Variants in ANKRD27 observed in about 807,000 individuals in gnomAD.
ANKRD27 encodes ankyrin repeat domain 27, also known as ankyrin repeat domain-containing protein 27.
ANKRD27 carries 112 observed loss-of-function variants against 129.7 expected under a neutral mutation model. That is an observed-to-expected ratio of 0.86 (90% CI 0.74 to 1.01). The LOEUF is 1.01. ANKRD27 is among the 50% of genes least tolerant of loss of function. The probability of loss-of-function intolerance (pLI) is 0.00; values close to 1 mark genes in which losing one functional copy is unlikely to be tolerated. For missense variants in ANKRD27, 1,258 were observed against 1,300.5 expected (o/e 0.97, Z 0.50); for synonymous variants, 516 against 511.2 (o/e 1.01, Z -0.13).
chr19:32,602,780 C>G (rs578104350), intron 25 of ANKRD27, among the ~76,000 whole-genome samples: 1 of 152,122 alleles, frequency 6.6e-6, no homozygotes, highest in African/African-American at 2.4e-5. Context: ...GTCCCAGCTA[C>G]TTGGGAGGCT....
In ANKRD27 at chr19:32,622,617, A is replaced by G. The variant is rs563912207; in HGVS notation, c.1632T>C (p.Cys544=). The G allele has an allele frequency of 3.7e-5, 59 of 1,613,424 alleles. No individual in the cohort carries two copies. The South Asian group carries it at 6.1e-4, about 17-fold the overall frequency. ...HLACTYGHED[C]VKALVYYDVE... is the part of the protein sequence containing the mutation. ...CGTCGTAGTAAACCAGAGCCTTCAC[A>G]CACTGCAAAGAGATGGGGAAATGGC... Residue 544 remains cysteine (C), a splice_region_variant and synonymous_variant, in exon 18 of 29, where the codon TGT becomes TGC. Coordinates refer to ENST00000306065, the MANE Select transcript of ANKRD27 (RefSeq NM_032139.3).
Position 32,667,418 on chromosome 19 carries a change from G to T in ANKRD27, c.-31+7653C>A, listed in dbSNP as rs527391020. Among the ~76,000 whole-genome samples the T allele has an allele frequency of 5.3e-5, 8 of 152,110 alleles. No homozygotes were observed. In the South Asian group the frequency reaches 1.5e-3, roughly 28 times the overall value. On this transcript the variant is annotated intron_variant, in intron 1 of 28. Coordinates refer to ENST00000306065, the MANE Select transcript of ANKRD27 (RefSeq NM_032139.3). ...TGTAGAAATGGAGTCTCGCTGTGTT[G>T]CCCAGGGTGGTCTTGAACTCCTGGC... is the stretch of plus-strand genomic sequence containing the variant.
rs1483461890 is a variant in ANKRD27, at chr19:32,643,773, T to C, written c.526-142A>G. On this transcript the variant is annotated intron_variant, in intron 5 of 28. Coordinates refer to ENST00000306065, the MANE Select transcript of ANKRD27 (RefSeq NM_032139.3). ...TTACGTGATTTTTCTCAACTTTTTT[T>C]TTAGGTGTATATGCATTAAAAGCAG... is the stretch of plus-strand genomic sequence containing the variant. 8.7e-6 allele frequency: 7 copies of C among 806,294 alleles called. No homozygotes were observed. In the South Asian group the frequency reaches 1.1e-4, roughly 13 times the overall value. The allele number at this position is 806,294 out of a possible 1,614,324, so 49.9% of individuals were successfully genotyped here.
chr19:32,617,399 T>C (rs1366984858), intron 21 of ANKRD27, among the ~76,000 whole-genome samples, 190 bp downstream of exon 21: 1 of 152,062 alleles, frequency 6.6e-6, no homozygotes, highest in Non-Finnish European at 1.5e-5. Context: ...TGTTTATGAT[T>C]AGCCAGGCAT....
chr19:32,650,983 G>A (rs534162133), intron 2 of ANKRD27, among the ~76,000 whole-genome samples: 9 of 151,936 alleles, frequency 5.9e-5, no homozygotes, highest in African/African-American at 1.7e-4. Context: ...GGCCTCAAGC[G>A]ATCCTTCCAC....
At chr19:32,608,117 C>T (rs1487980908) in intron 22 of ANKRD27, among the ~76,000 whole-genome samples, 3 of 151,886 alleles carry the variant, frequency 2.0e-5, no homozygotes, top group Admixed American at 6.6e-5. Context: ...GATCCTCCCG[C>T]CTCAGCCTCC....
chr19:32,631,303 G>A, intron 13 of ANKRD27, 99 bp downstream of exon 13: 2 of 1,059,556 alleles, frequency 1.9e-6, no homozygotes, highest in Non-Finnish European at 2.9e-6. Context: ...ATAGGCATGA[G>A]CCACCATGCC....
rs907357918 is a variant in ANKRD27, at chr19:32,597,807, G to A, written c.*338C>T. ...AGAGAGGTTTAGCACCTTTTGGGAG[G>A]AGGAGGTCAGAATGCGGTGGTGAAA... On this transcript the variant is annotated 3_prime_UTR_variant, in exon 29 of 29. Coordinates refer to ENST00000306065, the MANE Select transcript of ANKRD27 (RefSeq NM_032139.3). 8.7e-6 allele frequency: 3 copies of A among 346,076 alleles called. No individual in the cohort carries two copies. The highest frequency in any genetic ancestry group is 1.6e-5 in the Non-Finnish European group (3 of 182,030). The allele number at this position is 346,076 out of a possible 1,614,324, so 21.4% of individuals were successfully genotyped here.
At chr19:32,610,745 T>C (rs1053877961) in intron 22 of ANKRD27, among the ~76,000 whole-genome samples, 2 of 152,102 alleles carry the variant, frequency 1.3e-5, no homozygotes, top group African/African-American at 2.4e-5. Flanking sequence ...TGAGCCAATA[T>C]TGCACCACTG....
rs1568405343 is a variant in ANKRD27, at chr19:32,627,391, TTTATTTATTTATTTATTTA to T, written c.1421-583_1421-565del. Among the ~76,000 whole-genome samples the T allele has an allele frequency of 5.8e-4, 33 of 56,922 alleles. 1 individual carries two copies. Among genetic ancestry groups the T allele is most frequent in the South Asian group, 5.4e-3 (9 of 1,678 alleles). 37.3% of individuals were successfully genotyped at this position (56,922 alleles called of 152,430 possible). The stretch of plus-strand genomic sequence containing the variant: ...ATTTATTTATTTATTTATTTATTTA[TTTATTTATTTATTTATTTA>T]TTTTTTGAGACAGAGTCTCACTCAG... On this transcript the variant is annotated intron_variant, in intron 15 of 28. Coordinates refer to ENST00000306065, the MANE Select transcript of ANKRD27 (RefSeq NM_032139.3).
rs961505952 is a variant in ANKRD27, at chr19:32,626,911, A to G, written c.1421-84T>C. The G allele has an allele frequency of 6.8e-6, 6 of 879,546 alleles. No individual in the cohort carries two copies. In the South Asian group the frequency reaches 9.6e-5, roughly 14 times the overall value. 54.5% of individuals were successfully genotyped at this position (879,546 alleles called of 1,614,324 possible). On this transcript the variant is annotated intron_variant, in intron 15 of 28. Transcript: ENST00000306065. ...AACTGTAAAACCACAACACTATTGC[A>G]CCCTCCTAGTCCTGGGCATGAAACC...
At chr19:32,633,682 C>T (rs2145290512) in intron 12 of ANKRD27, among the ~76,000 whole-genome samples, 1 of 151,948 alleles carries the variant, frequency 6.6e-6, no homozygotes, top group South Asian at 2.1e-4. Context: ...AGAGTCATCC[C>T]AGTAATTTAT....
chr19:32,653,203 A>AGATG (rs1967453099), intron 2 of ANKRD27, among the ~76,000 whole-genome samples: 1 of 152,080 alleles, frequency 6.6e-6, no homozygotes, highest in African/African-American at 2.4e-5. Flanking sequence ...AAGCATCTAT[A>AGATG]CTAAATAAAT....
chr19:32,607,499 C>T, intron 23 of ANKRD27, 136 bp downstream of exon 23: 3 of 1,072,786 alleles, frequency 2.8e-6, no homozygotes, highest in South Asian at 1.4e-5. Flanking sequence ...CTACCGTGTG[C>T]ACCTCAGAAT....
intron 4 of ANKRD27, among the ~76,000 whole-genome samples, chr19:32,646,228 G>A (rs1279620776): frequency 2.0e-5 from 3 of 152,036 alleles, no homozygotes; most frequent in South Asian, 2.1e-4. Context: ...CACTGCGCCC[G>A]GCTTGATTTT....
chr19:32,647,657 A>G (rs1967328925), intron 3 of ANKRD27, among the ~76,000 whole-genome samples: 1 of 152,220 alleles, frequency 6.6e-6, no homozygotes, highest in Admixed American at 6.5e-5. Flanking sequence ...CACAAGACAC[A>G]CTGCTGTTTT....
At position 32,604,085 on chromosome 19, in the gene ANKRD27, C is replaced by G. The variant is rs567498392; in HGVS notation, c.2655+178G>C. 3.9e-5 allele frequency among the ~76,000 whole-genome samples: 6 copies of G among 152,330 alleles called. No individual in the cohort carries two copies. The South Asian group carries it at 1.2e-3, about 32-fold the overall frequency. ...TGGTTCCCAGAGCACCACCTCTGAC[C>G]AGGAGACTGAGGACCAGCCATCTAC... On this transcript the variant is annotated intron_variant, in intron 25 of 28. Coordinates refer to ENST00000306065, the MANE Select transcript of ANKRD27 (RefSeq NM_032139.3).
chr19:32,601,996 A>G lies in ANKRD27; in HGVS notation c.2767+19T>C. 6.5e-7 allele frequency: 1 copy of G among 1,530,234 alleles called. No homozygotes were observed. Among genetic ancestry groups the G allele is most frequent in the Non-Finnish European group, 9.0e-7 (1 of 1,108,524 alleles). The allele number at this position is 1,530,234 out of a possible 1,614,324, so 94.8% of individuals were successfully genotyped here. A position where few individuals can be genotyped will look rare whatever the true frequency, so the allele number is the denominator to read the frequency against. ...AATATACCCAACTTGAGCGTGACAG[A>G]AAGAACGTAAACTCTTACATTTTTT... On this transcript the variant is annotated intron_variant, in intron 26 of 28. Transcript: ENST00000306065.
intron 18 of ANKRD27, among the ~76,000 whole-genome samples, chr19:32,620,729 A>G (rs1265725843): frequency 1.3e-5 from 2 of 152,064 alleles, no homozygotes; most frequent in African/African-American, 4.8e-5. Context: ...TGTATAAAAA[A>G]TACAAAAATT....
Sources: allele counts gnomAD v4.1 joint callset (sites outside exome capture counted in the v4.1 genomes callset), GRCh38; gene constraint gnomAD v4.1.1; transcripts MANE v1.5; gene names NCBI Gene and HGNC (gene_info 2026-07-23, HGNC 2026-07-21).